The following FBXO24 variants were observed in gnomAD, a reference collection of about 807,000 sequenced individuals.
The protein encoded by FBXO24 is F-box only protein 24.
A neutral mutation model predicts 63.5 loss-of-function variants in FBXO24; 30 were observed. The observed-to-expected ratio is 0.47, with a 90% CI of 0.35 to 0.64. The LOEUF is 0.64. FBXO24 is among the 30% of genes least tolerant of loss of function. The pLI is 0.00. For synonymous variants in FBXO24, 300 were observed against 305.0 expected (o/e 0.98, Z 0.17); for missense variants, 624 against 763.4 (o/e 0.82, Z 2.15).
chr7:100,590,505 T>G, intron 3 of FBXO24, 148 bp downstream of exon 3: 1 of 799,660 alleles, frequency 1.3e-6, no homozygotes, highest in Non-Finnish European at 1.9e-6. Flanking sequence ...TCAAACATTC[T>G]CCCTTGAGTA....
intron 4 of FBXO24, 82 bp downstream of exon 4, chr7:100,591,984 G>A (rs1802053584): frequency 1.4e-6 from 2 of 1,392,744 alleles, no homozygotes; most frequent in Non-Finnish European, 2.0e-6. Flanking sequence ...CCAGAGGCCG[G>A]GTGCAGTGGC....
Position 100,600,710 on chromosome 7 carries a change from C to T in FBXO24, c.1554C>T (p.Ala518=), listed in dbSNP as rs368936779. ...APQDPGGMAQ[A]CEEYLSQIHS... ...AGGACCCCGGGGGGATGGCCCAGGC[C>T]TGCGAGGAGTACCTCAGCCAGATCC... Residue 518 remains alanine, a synonymous_variant, in exon 10 of 10, where the codon GCC becomes GCT. Coordinates refer to ENST00000241071, the MANE Select transcript of FBXO24 (RefSeq NM_033506.3). The surrounding 1 kb of genome is among the most constrained non-coding windows in gnomAD (Gnocchi z 6.3). 3.7e-6 allele frequency: 6 copies of T among 1,614,090 alleles called. No homozygotes were observed. In the African/African-American group the frequency reaches 8.0e-5, roughly 22 times the overall value.
intron 5 of FBXO24, among the ~76,000 whole-genome samples, chr7:100,593,860 C>T (rs1280936945): frequency 6.6e-6 from 1 of 151,506 alleles, no homozygotes; most frequent in Non-Finnish European, 1.5e-5. Context: ...CCTCACTATA[C>T]TCCAAACTGC....
chr7:100,593,301 C>A (rs1802120966), intron 5 of FBXO24, among the ~76,000 whole-genome samples: 2 of 151,996 alleles, frequency 1.3e-5, no homozygotes, highest in South Asian at 4.1e-4. Context: ...TTGAGACCAG[C>A]CTGGCCAACA....
In FBXO24 at chr7:100,586,459, A is replaced by G. The variant is rs967568681; in HGVS notation, c.-167A>G. On this transcript the variant is annotated 5_prime_UTR_variant, in exon 1 of 10. Transcript: ENST00000241071. ...GAGGGGACACCGGCACTCCACTAGC[A>G]GGAAAACGGGCCGAGGGACCGCAAG... is the stretch of plus-strand genomic sequence containing the variant. 5.6e-6 allele frequency: 4 copies of G among 717,896 alleles called. No homozygotes were observed. The highest frequency in any genetic ancestry group is 1.7e-5 in the South Asian group (1 of 59,664). 44.5% of individuals were successfully genotyped at this position (717,896 alleles called of 1,614,324 possible).
intron 1 of FBXO24, chr7:100,589,392 G>C (rs1479465394): frequency 1.7e-6 from 2 of 1,184,140 alleles, no homozygotes; most frequent in Admixed American, 4.4e-5. Flanking sequence ...CTGAAATAAA[G>C]ATGTCACCTA....
chr7:100,595,973 A>G (rs559285079), intron 8 of FBXO24, among the ~76,000 whole-genome samples: 3 of 152,304 alleles, frequency 2.0e-5, no homozygotes, highest in African/African-American at 7.2e-5. Context: ...AGAGACTTCT[A>G]GAAGAGGTAA....
At chr7:100,589,713 G>A in intron 1 of FBXO24, 2 of 1,547,072 alleles carry the variant, frequency 1.3e-6, no homozygotes, top group South Asian at 1.2e-5. Flanking sequence ...CAGGGAGGGG[G>A]CAATCAGGAT....
At chr7:100,593,449 G>A (rs1802130931) in intron 5 of FBXO24, among the ~76,000 whole-genome samples, 1 of 151,986 alleles carries the variant, frequency 6.6e-6, no homozygotes, top group African/African-American at 2.4e-5. Flanking sequence ...GTGAAACCCT[G>A]CCTGACTCTA....
At chr7:100,599,885 G>T in intron 8 of FBXO24, 146 bp from the exon 9 acceptor site, 4 of 865,448 alleles carry the variant, frequency 4.6e-6, no homozygotes, top group Non-Finnish European at 7.2e-6. Flanking sequence ...GGTCAGCAGG[G>T]CAGACCTGGG....
rs867807467 is a variant in FBXO24, at chr7:100,595,567, C to A, written c.1075-8C>A. 3.2e-6 allele frequency: 5 copies of A among 1,584,086 alleles called. No homozygotes were observed. In the African/African-American group the frequency reaches 5.4e-5, roughly 17 times the overall value. The stretch of plus-strand genomic sequence containing the variant: ...GAATCCCTATCCCCTTTCTATCTTG[C>A]ACGCTAGATCCTATTCTGTGCTCTT... On this transcript the variant is annotated splice_region_variant and splice_polypyrimidine_tract_variant and intron_variant, in intron 7 of 9. Transcript: ENST00000241071.
In FBXO24 at chr7:100,590,027, GA is replaced by G. The variant is rs763710711; in HGVS notation, c.91del (p.Arg31GlyfsTer76). The G allele has an allele frequency of 6.2e-7, 1 of 1,613,752 alleles. No homozygotes were observed. The highest frequency in any genetic ancestry group is 8.5e-7 in the Non-Finnish European group (1 of 1,179,906). ...GCTCGGAGCTTGGGGTTGAAGAGAA[GA>G]GGGGGAAAGGAAATCCGATTTCCAT... ...CGSELGVEEK[R>X]GKGNPISIQL... On this transcript the variant is annotated frameshift_variant, in exon 2 of 10. Coordinates refer to ENST00000241071, the MANE Select transcript of FBXO24 (RefSeq NM_033506.3). LOFTEE classifies it high-confidence loss of function.
At chr7:100,591,185 C>T (rs1291069234) in intron 3 of FBXO24, among the ~76,000 whole-genome samples, 1 of 151,758 alleles carries the variant, frequency 6.6e-6, no homozygotes, top group Non-Finnish European at 1.5e-5. Flanking sequence ...TACAGGCTCC[C>T]GCCACCACAC....
In FBXO24 at chr7:100,591,775, A is replaced by C. The variant is rs772004963; in HGVS notation, c.431A>C (p.Asp144Ala). The C allele has an allele frequency of 2.5e-6, 4 of 1,614,198 alleles. No homozygotes were observed. The South Asian group carries it at 4.4e-5, about 18-fold the overall frequency. Residue 144 changes from aspartate to alanine, a missense_variant, in exon 4 of 10, where the codon GAT (aspartate) becomes GCT (alanine). Asp to Ala is a moderately radical substitution (Grantham distance 126). Around this residue, in one of 3 missense-constraint regions of FBXO24, gnomAD observed 391 missense variants for 469.1 expected, o/e 0.83. Transcript: ENST00000241071. ...TACCGCCGCTTCTTGCCCACCAAGG[A>C]TCACGTCTTCATTCTTGACTACGTG... ...HGYRRFLPTK[D>A]HVFILDYVGT...
At chr7:100,593,621 C>A (rs1362630761) in intron 5 of FBXO24, among the ~76,000 whole-genome samples, 2 of 138,074 alleles carry the variant, frequency 1.4e-5, no homozygotes, top group Non-Finnish European at 3.1e-5. Context: ...AGCGAGACTC[C>A]GTCTCAAAAA....
rs1329582246 is a variant in FBXO24, at chr7:100,594,630, G to C, written c.952+89G>C. On this transcript the variant is annotated intron_variant, in intron 6 of 9. Transcript: ENST00000241071. This position sits in a 1 kb window ranked among gnomAD's most constrained non-coding sequence, Gnocchi z 4.2. ...CCTTCACCCTTACTCCAGCTGCATG[G>C]TGAACCCCTGAGGGCATCCTAGTGA... 1.5e-6 allele frequency: 2 copies of C among 1,357,218 alleles called. No homozygotes were observed. The highest frequency in any genetic ancestry group is 1.9e-6 in the Non-Finnish European group (2 of 1,036,848). 84.1% of individuals were successfully genotyped at this position (1,357,218 alleles called of 1,614,324 possible).
At chr7:100,588,518 G>T (rs1801855853) in intron 1 of FBXO24, among the ~76,000 whole-genome samples, 1 of 152,202 alleles carries the variant, frequency 6.6e-6, no homozygotes, top group Non-Finnish European at 1.5e-5. Flanking sequence ...TGCAGTCAAT[G>T]AACGGATCTG....
At chr7:100,588,201 C>T (rs575750892) in intron 1 of FBXO24, among the ~76,000 whole-genome samples, 19 of 152,212 alleles carry the variant, frequency 1.2e-4, no homozygotes, top group Non-Finnish European at 2.5e-4. Context: ...TTTCTATTCA[C>T]AACCTCTCGT....
intron 8 of FBXO24, among the ~76,000 whole-genome samples, chr7:100,598,643 C>T (rs1802426619): frequency 6.6e-6 from 1 of 152,066 alleles, no homozygotes; most frequent in African/African-American, 2.4e-5. Flanking sequence ...TTTTCAAAAA[C>T]AGGGTGGCCA....
Sources: allele counts gnomAD v4.1 joint callset (sites outside exome capture counted in the v4.1 genomes callset), GRCh38; gene constraint gnomAD v4.1.1; regional missense constraint gnomAD v4.1.1; non-coding constraint Gnocchi (gnomAD v3.1); transcripts MANE v1.5; gene names NCBI Gene and HGNC (gene_info 2026-07-23, HGNC 2026-07-21).